IL36B: variants seen among roughly 807,000 people sequenced by gnomAD.
The protein encoded by IL36B is interleukin 36 beta.
IL36B carries 23 observed loss-of-function variants against 19.3 expected under a neutral mutation model. The observed-to-expected ratio is 1.19, with a 90% CI of 0.86 to 1.69. The LOEUF (loss-of-function observed/expected upper bound fraction) is 1.69, where lower values mean the gene tolerates loss of function less well. IL36B is among the 40% of genes most tolerant of loss of function. IL36B has a pLI of 0.00. For missense variants in IL36B, 217 were observed against 200.5 expected (o/e 1.08, Z -0.50); for synonymous variants, 59 against 59.7 (o/e 0.99, Z 0.05).
chr2:113,042,603 G>C (rs776776272), intron 1 of IL36B, among the ~76,000 whole-genome samples: 4 of 152,148 alleles, frequency 2.6e-5, no homozygotes, highest in Admixed American at 1.3e-4. Context: ...AATTGATTTT[G>C]TCTGGCTTCC....
At chr2:113,050,981 C>G (rs1685433825) in intron 1 of IL36B, among the ~76,000 whole-genome samples, 1 of 151,364 alleles carries the variant, frequency 6.6e-6, no homozygotes, top group Non-Finnish European at 1.5e-5. Flanking sequence ...GAATCGGAGG[C>G]CGTGCCTCTC....
At chr2:113,031,525 T>C (rs1685075834) in intron 2 of IL36B, among the ~76,000 whole-genome samples, 172 bp downstream of exon 2, 1 of 152,168 alleles carries the variant, frequency 6.6e-6, no homozygotes, top group African/African-American at 2.4e-5. Flanking sequence ...ATACAGATAA[T>C]AATAAAAGAG....
intron 5 of IL36B, among the ~76,000 whole-genome samples, chr2:113,024,830 A>G (rs1684924484): frequency 6.6e-6 from 1 of 152,186 alleles, no homozygotes; most frequent in Non-Finnish European, 1.5e-5. Context: ...ACATTTAGCT[A>G]TTTACAGAAC....
At chr2:113,025,989 C>G in intron 5 of IL36B, 2 of 1,466,364 alleles carry the variant, frequency 1.4e-6, no homozygotes, top group Non-Finnish European at 1.8e-6. Context: ...TGAACTTAGA[C>G]CTGCCATGGG....
chr2:113,028,922 G>A lies in IL36B; in HGVS notation c.261+17C>T. On this transcript the variant is annotated intron_variant, in intron 4 of 5. Coordinates refer to ENST00000259213, the MANE Select transcript of IL36B (RefSeq NM_014438.5). ...CCATATGACAGTACTTCTCTCGTTA[G>A]CTGCACAATCACTCACCTTAAGCTG... is the stretch of plus-strand genomic sequence containing the variant. 1.9e-6 allele frequency: 3 copies of A among 1,611,226 alleles called. No homozygotes were observed. The highest frequency in any genetic ancestry group is 2.5e-6 in the Non-Finnish European group (3 of 1,178,874).
intron 1 of IL36B, among the ~76,000 whole-genome samples, chr2:113,035,994 A>T (rs1190159660): frequency 6.6e-6 from 1 of 152,102 alleles, no homozygotes; most frequent in Non-Finnish European, 1.5e-5. Flanking sequence ...CCAGGCTGGA[A>T]TGCAGTGGCG....
intron 1 of IL36B, among the ~76,000 whole-genome samples, chr2:113,036,344 A>G (rs866414562): frequency 6.6e-6 from 1 of 151,022 alleles, no homozygotes; most frequent in African/African-American, 2.4e-5. Flanking sequence ...ATTTATCTGA[A>G]AACACCTTGC....
chr2:113,052,057 C>T (rs1044336061), intron 1 of IL36B, among the ~76,000 whole-genome samples: 3 of 151,646 alleles, frequency 2.0e-5, no homozygotes, highest in African/African-American at 4.8e-5. Context: ...TCAAGTGATT[C>T]TCGTGCCTCA....
At position 113,045,432 on chromosome 2, in the gene IL36B, A is replaced by G. The variant is rs34299622; in HGVS notation, c.-58+7385T>C. Among the ~76,000 whole-genome samples, 689 of 152,240 alleles carry G rather than the reference A, an allele frequency of 4.5e-3. 6 individuals carry two copies. Among genetic ancestry groups the G allele is most frequent in the African/African-American group, 0.016 (659 of 41,542 alleles). On this transcript the variant is annotated intron_variant, in intron 1 of 5. Transcript: ENST00000259213. Reference sequence around the variant, plus strand: ...ATCACTGGTTTTGAGCAATTTGTTTATGATTTTGCTGCTGTAGTTTTCTTC... The same window carrying G: ...ATCACTGGTTTTGAGCAATTTGTTTGTGATTTTGCTGCTGTAGTTTTCTTC...
At position 113,052,159 on chromosome 2, in the gene IL36B, A is replaced by G. The variant is rs145214662; in HGVS notation, c.-58+658T>C. ...GAGACGGGGTTTCTTCATGTTTGCC[A>G]GGCTGGTCTTGAACTCCTGGCCTCA... On this transcript the variant is annotated intron_variant, in intron 1 of 5. Coordinates refer to ENST00000259213, the MANE Select transcript of IL36B (RefSeq NM_014438.5). Among the ~76,000 whole-genome samples, 9 of 152,120 alleles carry G rather than the reference A, an allele frequency of 5.9e-5. No homozygotes were observed. In the East Asian group the frequency reaches 1.7e-3, roughly 29 times the overall value.
At chr2:113,036,364 T>G (rs1294864433) in intron 1 of IL36B, among the ~76,000 whole-genome samples, 1 of 152,038 alleles carries the variant, frequency 6.6e-6, no homozygotes, top group East Asian at 1.9e-4. Context: ...CTTTTTTTTT[T>G]TTTTTCATGA....
intron 1 of IL36B, among the ~76,000 whole-genome samples, chr2:113,039,541 G>A (rs1345674631): frequency 3.9e-5 from 6 of 152,254 alleles, no homozygotes; most frequent in Admixed American, 1.3e-4. Context: ...AATTAATGGA[G>A]AGTATATAAC....
intron 5 of IL36B, among the ~76,000 whole-genome samples, chr2:113,025,923 A>C (rs1207516251): frequency 6.6e-6 from 1 of 152,200 alleles, no homozygotes; most frequent in East Asian, 1.9e-4. Flanking sequence ...GAACATGAGA[A>C]GGGACTGGGG....
intron 1 of IL36B, among the ~76,000 whole-genome samples, chr2:113,043,458 T>C (rs1243384681): frequency 6.6e-6 from 1 of 152,240 alleles, no homozygotes; most frequent in Non-Finnish European, 1.5e-5. Context: ...TTCCATATGC[T>C]GCAAGAAATG....
At chr2:113,042,472 A>C (rs4849144) in intron 1 of IL36B, among the ~76,000 whole-genome samples, 1 of 152,028 alleles carries the variant, frequency 6.6e-6, no homozygotes, top group Non-Finnish European at 1.5e-5. Flanking sequence ...GTCTCCTGGA[A>C]TCTGTCCTTC....
At chr2:113,043,797 G>A (rs898104155) in intron 1 of IL36B, among the ~76,000 whole-genome samples, 2 of 152,112 alleles carry the variant, frequency 1.3e-5, no homozygotes, top group Admixed American at 6.6e-5. Flanking sequence ...CAGGTGATCC[G>A]CCCACCTAGG....
intron 1 of IL36B, among the ~76,000 whole-genome samples, chr2:113,052,002 G>T (rs1573381385): frequency 6.6e-6 from 1 of 150,410 alleles, no homozygotes; most frequent in African/African-American, 2.5e-5. Context: ...AGGATGAAGT[G>T]CAGTGACATG....
chr2:113,031,053 T>C lies in IL36B; in HGVS notation c.116A>G (p.Lys39Arg). The stretch of plus-strand genomic sequence containing the variant: ...TGGGTTTGATTGTCACTCACCAGGC[T>C]TAATGCTGCGGCTAAGAGGAGCTGC... Residue 39 changes from lysine (K) to arginine (R), a missense_variant, in exon 3 of 6, where the codon AAG becomes AGG. Physicochemically the swap from Lys to Arg is conservative, Grantham distance 26. Coordinates refer to ENST00000259213, the MANE Select transcript of IL36B (RefSeq NM_014438.5). 6.2e-7 allele frequency: 1 copy of C among 1,607,632 alleles called. No homozygotes were observed.
At position 113,031,133 on chromosome 2, in the gene IL36B, A is replaced by G; in HGVS notation, c.36T>C (p.Tyr12=). 1 of 1,614,142 alleles carries G rather than the reference A, an allele frequency of 6.2e-7. No homozygotes were observed. The highest frequency in any genetic ancestry group is 8.5e-7 in the Non-Finnish European group (1 of 1,179,972). Reference sequence around the variant, plus strand: ...CCATCTGTCGAGAATCACGAATAGCATAGGATTTGGGTGCTGCCTCCCCTG... The same window carrying G: ...CCATCTGTCGAGAATCACGAATAGCGTAGGATTTGGGTGCTGCCTCCCCTG... The change falls in exon 3 of 6, where the codon TAT becomes TAC. Residue 12 remains tyrosine (Y), a synonymous_variant. Transcript: ENST00000259213.
Sources: gnomAD v4.1 joint callset for allele counts (sites outside exome capture counted in the v4.1 genomes callset) on GRCh38, gnomAD v4.1.1 for gene constraint, MANE v1.5 for transcripts, NCBI Gene and HGNC (gene_info 2026-07-23, HGNC 2026-07-21) for gene names.